The following JAK3 variants were observed in gnomAD, a reference collection of about 807,000 sequenced individuals.
JAK3 encodes the protein Janus kinase 3, also known as tyrosine-protein kinase JAK3.
JAK3 carries 88 observed loss-of-function variants against 120.8 expected under a neutral mutation model. The observed-to-expected ratio is 0.73, with a 90% CI of 0.61 to 0.87. The LOEUF is 0.87. Ranked by LOEUF, JAK3 falls within the 40% of genes least tolerant of loss-of-function variation. JAK3 has a pLI of 0.00. For missense variants in JAK3, 1,254 were observed against 1,501.4 expected (o/e 0.84, Z 2.72); for synonymous variants, 592 against 628.6 (o/e 0.94, Z 0.87).
chr19:17,830,851 G>T (rs1169637216), intron 21 of JAK3, among the ~76,000 whole-genome samples: 4 of 90,358 alleles, frequency 4.4e-5, no homozygotes, highest in Non-Finnish European at 8.9e-5. Context: ...GAGGGGCGGA[G>T]ATGGGGGCGG....
chr19:17,846,486 C>G (rs1305593933), intron 1 of JAK3, among the ~76,000 whole-genome samples: 1 of 152,220 alleles, frequency 6.6e-6, no homozygotes, highest in Non-Finnish European at 1.5e-5. Context: ...ATCTCTCCCA[C>G]AGAGAGATTG....
At position 17,842,361 on chromosome 19, in the gene JAK3, G is replaced by A. The variant is rs2147697065; in HGVS notation, c.816C>T (p.Arg272=). The A allele has an allele frequency of 6.4e-7, 1 of 1,574,042 alleles. No individual in the cohort carries two copies. The highest frequency in any genetic ancestry group is 8.6e-7 in the Non-Finnish European group (1 of 1,164,016). The change falls in exon 6 of 24, where the codon CGC becomes CGT. Residue 272 remains arginine, a synonymous_variant. Transcript: ENST00000458235. This position sits in a 1 kb window ranked among gnomAD's most constrained non-coding sequence, Gnocchi z 6.4. The part of the protein sequence containing the change: ...LGGHDGLGLL[R]VAGDGGIAWT... ...AGGCGATGCCGCCGTCACCAGCCAC[G>A]CGGAGCAGCCCCAGCCCGTCGTGGC...
rs1325292656 is a variant in JAK3 at position 17,825,029 on chromosome 19, GAGGCAA to G, written c.*1708_*1713del. 4.4e-6 allele frequency: 1 copy of G among 226,580 alleles called. No homozygotes were observed. The highest frequency in any genetic ancestry group is 2.2e-5 in the African/African-American group (1 of 44,956). 14.0% of individuals were successfully genotyped at this position (226,580 alleles called of 1,614,324 possible). ...GAGAGATGGATAAGAGTTTTCCAAG[GAGGCAA>G]AAGTGGCAGAAAAGCTTTGCAGGTG... On this transcript the variant is annotated 3_prime_UTR_variant, in exon 24 of 24. Coordinates refer to ENST00000458235, the MANE Select transcript of JAK3 (RefSeq NM_000215.4).
intron 17 of JAK3, among the ~76,000 whole-genome samples, chr19:17,833,659 C>T (rs764622993): frequency 2.0e-5 from 3 of 151,594 alleles, no homozygotes; most frequent in East Asian, 1.9e-4. Context: ...AAGACTAGCC[C>T]GGCCAACATG....
intron 2 of JAK3, 94 bp downstream of exon 2, chr19:17,844,140 T>C (rs1023091137): frequency 7.3e-7 from 1 of 1,367,158 alleles, no homozygotes; most frequent in Non-Finnish European, 1.0e-6. Flanking sequence ...CCAGCTCCGA[T>C]GCTGACTTCT....
chr19:17,836,122 C>T, intron 13 of JAK3, 71 bp from the exon 14 acceptor site: 1 of 1,582,282 alleles, frequency 6.3e-7, no homozygotes, highest in Non-Finnish European at 8.6e-7. Flanking sequence ...TCTGCCAACA[C>T]CCTGGCTCTC....
At chr19:17,844,161 A>G in intron 2 of JAK3, 73 bp downstream of exon 2, 1 of 1,454,644 alleles carries the variant, frequency 6.9e-7, no homozygotes. Flanking sequence ...GCAGGCAACT[A>G]TTCCAGCTTC....
chr19:17,837,830 G>C (rs2094227927), intron 12 of JAK3, 102 bp downstream of exon 12: 8 of 1,533,082 alleles, frequency 5.2e-6, no homozygotes, highest in Non-Finnish European at 7.2e-6. Context: ...ACAGGCATGA[G>C]CCACCACGCC....
At position 17,835,063 on chromosome 19, in the gene JAK3, C is replaced by T. The variant is rs2147682656; in HGVS notation, c.2047+20G>A. The T allele has an allele frequency of 6.2e-7, 1 of 1,614,174 alleles. No homozygotes were observed. The highest frequency in any genetic ancestry group is 8.5e-7 in the Non-Finnish European group (1 of 1,180,028). On this transcript the variant is annotated intron_variant, in intron 15 of 23. Coordinates refer to ENST00000458235, the MANE Select transcript of JAK3 (RefSeq NM_000215.4). ...CCTTGCCCTGCTCAGCCCCTCCCTC[C>T]TCCACCTCCAGGAACTTACTCTCCA...
In JAK3 at chr19:17,843,280, A is replaced by T; in HGVS notation, c.420+100T>A. ...GGCTGACCCCCACCCCTGGACTGCCACAGGGAGGGTCAGACGAGGCCCCAC... is the reference window on the plus strand; with the variant it reads ...GGCTGACCCCCACCCCTGGACTGCCTCAGGGAGGGTCAGACGAGGCCCCAC... On this transcript the variant is annotated intron_variant, in intron 4 of 23. Transcript: ENST00000458235. This position sits in a 1 kb window ranked among gnomAD's most constrained non-coding sequence, Gnocchi z 5.4. 6.5e-7 allele frequency: 1 copy of T among 1,528,516 alleles called. No individual in the cohort carries two copies. The highest frequency in any genetic ancestry group is 8.9e-7 in the Non-Finnish European group (1 of 1,126,960). 94.7% of individuals were successfully genotyped at this position (1,528,516 alleles called of 1,614,324 possible).
intron 23 of JAK3, among the ~76,000 whole-genome samples, chr19:17,828,924 G>T (rs577725680): frequency 3.3e-5 from 5 of 152,228 alleles, no homozygotes; most frequent in African/African-American, 1.2e-4. Flanking sequence ...GGAGGCCGAG[G>T]CAGGAGGATC....
chr19:17,835,020 G>A lies in JAK3; in HGVS notation c.2048-17C>T. ...CGGTGAGCACTGAGGGAATGAAAGTGGGATCAGGGATCCACTTCCTTGCCC... is the reference window on the plus strand; with the variant it reads ...CGGTGAGCACTGAGGGAATGAAAGTAGGATCAGGGATCCACTTCCTTGCCC... On this transcript the variant is annotated splice_polypyrimidine_tract_variant and intron_variant, in intron 15 of 23. Coordinates refer to ENST00000458235, the MANE Select transcript of JAK3 (RefSeq NM_000215.4). 6.2e-7 allele frequency: 1 copy of A among 1,614,144 alleles called. No homozygotes were observed. Among genetic ancestry groups the A allele is most frequent in the Non-Finnish European group, 8.5e-7 (1 of 1,180,022 alleles).
chr19:17,828,350 G>A (rs1568400002), intron 23 of JAK3, among the ~76,000 whole-genome samples: 2 of 152,224 alleles, frequency 1.3e-5, no homozygotes, highest in African/African-American at 2.4e-5. Context: ...TAACCTCCTG[G>A]GCTCAAGCAA....
At chr19:17,826,957 A>G in intron 23 of JAK3, 47 bp from the exon 24 acceptor site, 1 of 1,581,040 alleles carries the variant, frequency 6.3e-7, no homozygotes, top group Non-Finnish European at 8.6e-7. Context: ...AGCAGTCCAA[A>G]GGACACAACT....
rs2147696790 is a variant in JAK3, at chr19:17,842,301, G to C, written c.861+15C>G. The C allele has an allele frequency of 6.4e-7, 1 of 1,554,204 alleles. No individual in the cohort carries two copies. The highest frequency in any genetic ancestry group is 8.6e-7 in the Non-Finnish European group (1 of 1,156,354). On this transcript the variant is annotated intron_variant, in intron 6 of 23. Transcript: ENST00000458235. This position sits in a 1 kb window ranked among gnomAD's most constrained non-coding sequence, Gnocchi z 6.4. ...CCCCACGTTGGCCCCGCCCAGCGGG[G>C]GAGTCCGCCCTCACCTCCTGTTCTC...
At chr19:17,836,960 C>T (rs2094225452) in intron 13 of JAK3, 169 bp downstream of exon 13, 3 of 696,954 alleles carry the variant, frequency 4.3e-6, no homozygotes, top group Non-Finnish European at 7.8e-6. Flanking sequence ...AGCCGCTTTC[C>T]AAGGAGTGAT....
chr19:17,843,741 T>A lies in JAK3; in HGVS notation c.308+36A>T. The stretch of plus-strand genomic sequence containing the variant: ...CTCGAAATGCAAGGAGATGATAAAA[T>A]TGTACAATCCCTGGGGGCTGGGGGG... On this transcript the variant is annotated intron_variant, in intron 3 of 23. Transcript: ENST00000458235. This position sits in a 1 kb window ranked among gnomAD's most constrained non-coding sequence, Gnocchi z 5.4. 6.2e-7 allele frequency: 1 copy of A among 1,611,844 alleles called. No homozygotes were observed. The highest frequency in any genetic ancestry group is 8.5e-7 in the Non-Finnish European group (1 of 1,179,206).
At position 17,826,604 on chromosome 19, in the gene JAK3, C is replaced by T. The variant is rs1420735977; in HGVS notation, c.*139G>A. 3 of 942,442 alleles carry T rather than the reference C, an allele frequency of 3.2e-6. No homozygotes were observed. In the African/African-American group the frequency reaches 4.9e-5, roughly 15 times the overall value. 58.4% of individuals were successfully genotyped at this position (942,442 alleles called of 1,614,324 possible). A position where few individuals can be genotyped will look rare whatever the true frequency, so the allele number is the denominator to read the frequency against. ...GCTATTCTACAGGCCACGGGAGCCCCCCCAAATGCAATGTCATGGGGGTGT... is the reference window on the plus strand; with the variant it reads ...GCTATTCTACAGGCCACGGGAGCCCTCCCAAATGCAATGTCATGGGGGTGT... On this transcript the variant is annotated 3_prime_UTR_variant, in exon 24 of 24. Coordinates refer to ENST00000458235, the MANE Select transcript of JAK3 (RefSeq NM_000215.4).
chr19:17,847,757 G>A (rs1008844135), intron 1 of JAK3, among the ~76,000 whole-genome samples, 189 bp downstream of exon 1: 2 of 148,670 alleles, frequency 1.3e-5, no homozygotes, highest in Non-Finnish European at 1.5e-5. Flanking sequence ...AGTCAAAGCC[G>A]AAGCCCAGAG....
Sources: gnomAD v4.1 joint callset for allele counts (sites outside exome capture counted in the v4.1 genomes callset) on GRCh38, gnomAD v4.1.1 for gene constraint, Gnocchi (gnomAD v3.1) non-coding constraint, MANE v1.5 for transcripts, NCBI Gene and HGNC (gene_info 2026-07-23, HGNC 2026-07-21) for gene names.